The following SORCS1 variants were observed in gnomAD, a reference collection of about 807,000 sequenced individuals.
SORCS1 encodes VPS10 domain-containing receptor SorCS1.
Under a neutral mutation model 146.1 loss-of-function variants are expected in SORCS1, and 60 were observed. That is an observed-to-expected ratio of 0.41 (90% CI 0.33 to 0.51). SORCS1 has a LOEUF of 0.51. Ranked by LOEUF, SORCS1 falls within the 20% of genes least tolerant of loss-of-function variation. The probability of loss-of-function intolerance (pLI) is 0.21; values close to 1 mark genes in which losing one functional copy is unlikely to be tolerated. For synonymous variants in SORCS1, 637 were observed against 584.0 expected (o/e 1.09, Z -1.31); for missense variants, 1,352 against 1,487.6 (o/e 0.91, Z 1.50).
At chr10:106,928,160 G>GT (rs1210039026) in intron 2 of SORCS1, among the ~76,000 whole-genome samples, 4 of 152,238 alleles carry the variant, frequency 2.6e-5, no homozygotes, top group African/African-American at 9.6e-5. Context: ...GCAGGCGGCG[G>GT]CGCTCGTTGG....
intron 2 of SORCS1, among the ~76,000 whole-genome samples, chr10:106,922,921 G>A (rs1554884778): frequency 2.1e-5 from 3 of 140,098 alleles, no homozygotes. Context: ...ATGGAGTCTC[G>A]CTCTGTCCCC....
chr10:107,177,762 C>T, the SORCS1 span, among the ~76,000 whole-genome samples: 1 of 152,256 alleles, frequency 6.6e-6, no homozygotes, highest in South Asian at 2.1e-4. Flanking sequence ...ATATTCTCTT[C>T]TAGCTATTTT....
At chr10:106,745,118 T>C (rs1857627078) in intron 5 of SORCS1, among the ~76,000 whole-genome samples, 1 of 152,174 alleles carries the variant, frequency 6.6e-6, no homozygotes, top group Non-Finnish European at 1.5e-5. Flanking sequence ...GAAAGAGATA[T>C]TAGTAAAGAA....
chr10:107,110,194 A>G (rs753954543), intron 1 of SORCS1, among the ~76,000 whole-genome samples: 8 of 151,898 alleles, frequency 5.3e-5, no homozygotes, highest in African/African-American at 1.9e-4. Context: ...GATTTTTTCA[A>G]CCTCTGCTAG....
intron 1 of SORCS1, among the ~76,000 whole-genome samples, chr10:107,093,678 C>CAA (rs35208711): frequency 0.014 from 1,910 of 132,164 alleles, 23 homozygotes; most frequent in African/African-American, 0.013. Flanking sequence ...GACTCAGTCT[C>CAA]AAAAAAAAAA....
At chr10:106,981,358 T>C (rs1316167739) in intron 1 of SORCS1, among the ~76,000 whole-genome samples, 1 of 152,226 alleles carries the variant, frequency 6.6e-6, no homozygotes, top group African/African-American at 2.4e-5. Flanking sequence ...TTGTGAGTGC[T>C]GAGCTTGTTG....
At chr10:107,030,785 T>C (rs1192104394) in intron 1 of SORCS1, among the ~76,000 whole-genome samples, 1 of 151,826 alleles carries the variant, frequency 6.6e-6, no homozygotes, top group African/African-American at 2.4e-5. Flanking sequence ...GAAAGGGAAA[T>C]GGAAATAAAG....
intron 5 of SORCS1, among the ~76,000 whole-genome samples, chr10:106,735,537 AG>A (rs112249847): frequency 2.0e-5 from 3 of 152,328 alleles, no homozygotes; most frequent in African/African-American, 7.2e-5. Context: ...CAAATCTTCA[AG>A]TATATGCAGC....
At chr10:107,046,149 G>A (rs376877558) in intron 1 of SORCS1, among the ~76,000 whole-genome samples, 1 of 152,052 alleles carries the variant, frequency 6.6e-6, no homozygotes, top group African/African-American at 2.4e-5. Context: ...GTTTCACCAC[G>A]TTGGCCAGAT....
chr10:107,062,078 G>A (rs1038396954), intron 1 of SORCS1, among the ~76,000 whole-genome samples: 1 of 152,088 alleles, frequency 6.6e-6, no homozygotes, highest in African/African-American at 2.4e-5. Flanking sequence ...TAGATGAGGA[G>A]ACACATAAAG....
At chr10:107,049,633 A>G (rs1959919025) in intron 1 of SORCS1, among the ~76,000 whole-genome samples, 1 of 152,116 alleles carries the variant, frequency 6.6e-6, no homozygotes, top group Non-Finnish European at 1.5e-5. Context: ...TTAGCATTGA[A>G]GTTTGTCTTT....
chr10:106,765,574 T>C (rs1373250698), intron 4 of SORCS1, among the ~76,000 whole-genome samples: 1 of 152,074 alleles, frequency 6.6e-6, no homozygotes, highest in Non-Finnish European at 1.5e-5. Context: ...AGTTGGGTGG[T>C]AGGCACTGAC....
At chr10:107,093,147 G>C (rs2134323576) in intron 1 of SORCS1, among the ~76,000 whole-genome samples, 1 of 152,166 alleles carries the variant, frequency 6.6e-6, no homozygotes, top group East Asian at 1.9e-4. Flanking sequence ...CCTGACTGCA[G>C]AGCCATGATT....
intron 1 of SORCS1, among the ~76,000 whole-genome samples, chr10:107,153,357 T>C (rs1279281633): frequency 2.6e-5 from 4 of 152,204 alleles, no homozygotes; most frequent in African/African-American, 9.7e-5. Context: ...AGCGCACATA[T>C]TTATTATGTA....
At chr10:106,716,185 G>A (rs1855360325) in intron 6 of SORCS1, among the ~76,000 whole-genome samples, 1 of 152,172 alleles carries the variant, frequency 6.6e-6, no homozygotes, top group Admixed American at 6.5e-5. Context: ...GCAGCAGACA[G>A]CACTGCCAAA....
Position 106,775,349 on chromosome 10 carries a change from G to A in SORCS1, c.885+1185C>T, listed in dbSNP as rs181765695. Among the ~76,000 whole-genome samples, 43 of 152,220 alleles carry A rather than the reference G, an allele frequency of 2.8e-4. No individual in the cohort carries two copies. In the East Asian group the frequency reaches 8.3e-3, roughly 29 times the overall value. ...CAAAATTGTACATTCTGCTGAAAGGGTAGCCAGGCTGCTCAACAGGAAAAA... is the reference window on the plus strand; with the variant it reads ...CAAAATTGTACATTCTGCTGAAAGGATAGCCAGGCTGCTCAACAGGAAAAA... On this transcript the variant is annotated intron_variant, in intron 4 of 25. Coordinates refer to ENST00000263054, the MANE Select transcript of SORCS1 (RefSeq NM_052918.5).
chr10:106,577,732 C>CA (rs1456643449), intron 25 of SORCS1, 177 bp from the exon 26 acceptor site: 55 of 1,273,932 alleles, frequency 4.3e-5, no homozygotes, highest in Non-Finnish European at 1.0e-5. Context: ...AAACGATCCC[C>CA]AAAAATGCAC....
intron 23 of SORCS1, 108 bp from the exon 24 acceptor site, chr10:106,597,558 G>A (rs1336572673): frequency 1.3e-5 from 10 of 766,740 alleles, no homozygotes; most frequent in East Asian, 8.3e-5. Context: ...TATTATACCC[G>A]TGAGTTATAT....
At chr10:106,774,984 A>G (rs991273598) in intron 4 of SORCS1, among the ~76,000 whole-genome samples, 7 of 152,356 alleles carry the variant, frequency 4.6e-5, no homozygotes, top group African/African-American at 1.4e-4. Context: ...CACCATAAGT[A>G]GCTGGGATGA....
Sources: gnomAD v4.1 joint callset for allele counts (sites outside exome capture counted in the v4.1 genomes callset) on GRCh38, gnomAD v4.1.1 for gene constraint, MANE v1.5 for transcripts, NCBI Gene and HGNC (gene_info 2026-07-23, HGNC 2026-07-21) for gene names.